The following PCDHAC1 variants were observed in gnomAD, a reference collection of about 807,000 sequenced individuals.
PCDHAC1 encodes protocadherin alpha subfamily C, 1, also known as protocadherin alpha-C1.
PCDHAC1 carries 42 observed loss-of-function variants against 60.0 expected under a neutral mutation model. That is an observed-to-expected ratio of 0.70 (90% CI 0.55 to 0.90). PCDHAC1 has a LOEUF of 0.90. Among genes scored for constraint, PCDHAC1 ranks in the 40% least tolerant of loss-of-function variants. PCDHAC1 has a pLI of 0.00. For missense variants in PCDHAC1, 1,160 were observed against 1,222.3 expected (o/e 0.95, Z 0.76); for synonymous variants, 468 against 499.3 (o/e 0.94, Z 0.84).
rs541261946 is a variant in PCDHAC1, at chr5:140,926,749, G to T, written c.-144G>T. ...GGCGTTCGGGAGGCGCAACGTCGGC[G>T]GTCGCTGAGTATCCAGCCCGCAGCA... On this transcript the variant is annotated 5_prime_UTR_variant, in exon 1 of 4. Coordinates refer to ENST00000253807, the MANE Select transcript of PCDHAC1 (RefSeq NM_018898.5). 7.3e-6 allele frequency: 9 copies of T among 1,237,260 alleles called. No homozygotes were observed. In the East Asian group the frequency reaches 2.0e-4, roughly 28 times the overall value. The allele number at this position is 1,237,260 out of a possible 1,614,324, so 76.6% of individuals were successfully genotyped here.
chr5:140,960,438 T>C (rs1403944664), intron 1 of PCDHAC1, among the ~76,000 whole-genome samples: 4 of 152,180 alleles, frequency 2.6e-5, no homozygotes, highest in African/African-American at 9.7e-5. Context: ...ATACTCTAGA[T>C]ATATGTATGG....
intron 1 of PCDHAC1, chr5:140,969,509 C>A: frequency 7.1e-7 from 1 of 1,416,136 alleles, no homozygotes; most frequent in Non-Finnish European, 9.4e-7. Context: ...AAAAATAGCA[C>A]TAAAGAATTG....
chr5:140,942,439 A>G (rs1554214983), intron 1 of PCDHAC1, among the ~76,000 whole-genome samples: 1 of 152,082 alleles, frequency 6.6e-6, no homozygotes, highest in Non-Finnish European at 1.5e-5. Flanking sequence ...AACAATAAAC[A>G]AGTAAACTAT....
rs2098420803 is a variant in PCDHAC1, at chr5:141,011,492, A to G, written c.*1555A>G. 1 of 153,698 alleles carries G rather than the reference A, an allele frequency of 6.5e-6. No individual in the cohort carries two copies. Among genetic ancestry groups the G allele is most frequent in the African/African-American group, 2.4e-5 (1 of 41,432 alleles). 9.5% of individuals were successfully genotyped at this position (153,698 alleles called of 1,614,324 possible). A position where few individuals can be genotyped will look rare whatever the true frequency, so the allele number is the denominator to read the frequency against. On this transcript the variant is annotated 3_prime_UTR_variant, in exon 4 of 4. Transcript: ENST00000253807. ...AATTCCATTATATTTCCTTTTGTAC[A>G]CCTGTGAAAAAGTGGAGTAGTGTTT... is the stretch of plus-strand genomic sequence containing the variant.
intron 1 of PCDHAC1, among the ~76,000 whole-genome samples, chr5:140,964,239 GTTGGC>G (rs2095819198): frequency 6.6e-6 from 1 of 152,180 alleles, no homozygotes; most frequent in African/African-American, 2.4e-5. Context: ...GGCTGATTGT[GTTGGC>G]TTTATATTTG....
intron 1 of PCDHAC1, chr5:140,967,224 A>G (rs2096116008): frequency 6.2e-7 from 1 of 1,613,708 alleles, no homozygotes; most frequent in Non-Finnish European, 8.5e-7. Flanking sequence ...CGGCCCAACT[A>G]CCAGCTTCAG....
chr5:140,962,944 G>T (rs572517623), intron 1 of PCDHAC1, among the ~76,000 whole-genome samples: 1 of 152,158 alleles, frequency 6.6e-6, no homozygotes, highest in East Asian at 1.9e-4. Flanking sequence ...CTCTCCATAA[G>T]ATATGCTCTA....
chr5:140,968,768 C>T, intron 1 of PCDHAC1: 1 of 1,614,174 alleles, frequency 6.2e-7, no homozygotes, highest in South Asian at 1.1e-5. Flanking sequence ...TAATGGAGAG[C>T]CATCACTATC....
intron 3 of PCDHAC1, among the ~76,000 whole-genome samples, chr5:140,999,199 A>G (rs1354176825): frequency 2.0e-5 from 3 of 152,228 alleles, no homozygotes; most frequent in Non-Finnish European, 4.4e-5. Context: ...CTTGGAAAAG[A>G]GAATTTCTGG....
intron 1 of PCDHAC1, among the ~76,000 whole-genome samples, chr5:140,965,464 C>T (rs987279720): frequency 1.3e-5 from 2 of 151,782 alleles, no homozygotes; most frequent in Admixed American, 1.3e-4. Context: ...AAGATAAATC[C>T]CAGACTCCCA....
Position 140,927,198 on chromosome 5 carries a change from G to T in PCDHAC1, c.306G>T (p.Glu102Asp). The change falls in exon 1 of 4, where the codon GAG (glutamate) becomes GAT (aspartate). Residue 102 changes from glutamate to aspartate, a missense_variant. By Grantham distance (45) the Glu-to-Asp change is conservative. Around this residue, in one of 3 missense-constraint regions of PCDHAC1, gnomAD observed 1,113 missense variants for 1,163.7 expected, o/e 0.96. Transcript: ENST00000253807. ...ACVLTYDLVLEDPLELHKIRI... is the reference protein window; with the variant it reads ...ACVLTYDLVLDDPLELHKIRI... ...TCTTGACCTACGACCTGGTGCTCGA[G>T]GACCCGCTGGAGCTGCACAAGATTC... 3 of 1,614,162 alleles carry T rather than the reference G, an allele frequency of 1.9e-6. No homozygotes were observed. In the South Asian group the frequency reaches 3.3e-5, roughly 18 times the overall value.
At chr5:140,991,472 C>G (rs1480480128) in intron 3 of PCDHAC1, among the ~76,000 whole-genome samples, 1 of 152,172 alleles carries the variant, frequency 6.6e-6, no homozygotes, top group African/African-American at 2.4e-5. Context: ...TCTTACAGTT[C>G]TGGAAGTCAG....
chr5:141,006,361 A>G (rs1384420854), intron 3 of PCDHAC1, among the ~76,000 whole-genome samples: 3 of 151,846 alleles, frequency 2.0e-5, no homozygotes, highest in African/African-American at 7.3e-5. Context: ...ATAGGCGCCC[A>G]CCACCACGCC....
intron 1 of PCDHAC1, among the ~76,000 whole-genome samples, chr5:140,972,527 C>A (rs1173109086): frequency 6.6e-6 from 1 of 152,092 alleles, no homozygotes; most frequent in Non-Finnish European, 1.5e-5. Flanking sequence ...GAGCTTATTT[C>A]ATAAATCACT....
chr5:140,944,058 G>A (rs185843356), intron 1 of PCDHAC1, among the ~76,000 whole-genome samples: 116 of 152,248 alleles, frequency 7.6e-4, no homozygotes, highest in African/African-American at 2.7e-3. Flanking sequence ...ATACAAAAAG[G>A]TTTCTTGTTA....
chr5:140,942,617 TG>T (rs1223896117), intron 1 of PCDHAC1, among the ~76,000 whole-genome samples: 4 of 100,138 alleles, frequency 4.0e-5, no homozygotes, highest in Admixed American at 9.6e-5. Flanking sequence ...ATTTGCCAAT[TG>T]TAAAAAAAAA....
intron 1 of PCDHAC1, among the ~76,000 whole-genome samples, chr5:140,942,504 G>C (rs2093309107): frequency 6.6e-6 from 1 of 151,936 alleles, no homozygotes; most frequent in Admixed American, 6.6e-5. Flanking sequence ...ATGGTATCTA[G>C]GAAACTCAGA....
At chr5:140,945,761 G>T (rs2093839627) in intron 1 of PCDHAC1, among the ~76,000 whole-genome samples, 1 of 152,118 alleles carries the variant, frequency 6.6e-6, no homozygotes, top group East Asian at 1.9e-4. Flanking sequence ...AATGGTGGTG[G>T]GACAATTTGA....
In PCDHAC1 at chr5:140,979,019, C is replaced by T; in HGVS notation, c.2492+12C>T. On this transcript the variant is annotated intron_variant, in intron 2 of 3. Coordinates refer to ENST00000253807, the MANE Select transcript of PCDHAC1 (RefSeq NM_018898.5). ...GCAGGCATGCACAGGTATGTATTTC[C>T]CTCCTCATTCACTCAGAAGTAACCT... 1 of 1,613,662 alleles carries T rather than the reference C, an allele frequency of 6.2e-7. No individual in the cohort carries two copies. Among genetic ancestry groups the T allele is most frequent in the South Asian group, 1.1e-5 (1 of 90,910 alleles).
Sources: allele counts gnomAD v4.1 joint callset (sites outside exome capture counted in the v4.1 genomes callset), GRCh38; gene constraint gnomAD v4.1.1; regional missense constraint gnomAD v4.1.1; transcripts MANE v1.5; gene names NCBI Gene and HGNC (gene_info 2026-07-23, HGNC 2026-07-21).